Variants in PTPRK observed in about 807,000 individuals in gnomAD.
The protein encoded by PTPRK is receptor-type tyrosine-protein phosphatase kappa.
A neutral mutation model predicts 178.0 loss-of-function variants in PTPRK; 75 were observed. The observed-to-expected ratio is 0.42, with a 90% CI of 0.35 to 0.51. The LOEUF (loss-of-function observed/expected upper bound fraction) is 0.51. Ranked by LOEUF, PTPRK falls within the 20% of genes least tolerant of loss-of-function variation. The pLI is 0.02. For synonymous variants in PTPRK, 637 were observed against 620.6 expected, an observed-to-expected ratio of 1.03 and a Z score of -0.39; for missense variants, 1,441 against 1,797.8, an observed-to-expected ratio of 0.80 and a Z score of 3.59.
intron 3 of PTPRK, among the ~76,000 whole-genome samples, chr6:128,298,295 A>G (rs61435981): frequency 0.051 from 7,733 of 151,670 alleles, 653 homozygotes; most frequent in African/African-American, 0.17. Context: ...AATTCTACCA[A>G]AGGTACAAGG....
In PTPRK at chr6:128,359,296, G is replaced by A. The variant is rs184581893; in HGVS notation, c.224-36986C>T. Among the ~76,000 whole-genome samples the A allele has an allele frequency of 1.4e-4, 20 of 147,830 alleles. No homozygotes were observed. In the South Asian group the frequency reaches 1.7e-3, roughly 13 times the overall value. On this transcript the variant is annotated intron_variant, in intron 2 of 29. Coordinates refer to ENST00000368226, the MANE Select transcript of PTPRK (RefSeq NM_002844.4). The stretch of plus-strand genomic sequence containing the variant: ...AAAAACCCCATCTGGGATTACAGGC[G>A]TGAGCCACCACATCTAGCCAAGGCA...
At chr6:128,011,828 C>T (rs773340034) in intron 13 of PTPRK, among the ~76,000 whole-genome samples, 6 of 151,012 alleles carry the variant, frequency 4.0e-5, no homozygotes, top group African/African-American at 7.3e-5. Flanking sequence ...GAAACTAAAA[C>T]GCTTGCAGGT....
chr6:128,294,979 T>C (rs1291619698), intron 3 of PTPRK, among the ~76,000 whole-genome samples: 2 of 152,016 alleles, frequency 1.3e-5, no homozygotes. Context: ...AGAATTACAG[T>C]ATGAAACAGA....
At chr6:128,125,885 G>A (rs571820705) in intron 7 of PTPRK, among the ~76,000 whole-genome samples, 2 of 151,934 alleles carry the variant, frequency 1.3e-5, no homozygotes, top group East Asian at 1.9e-4. Context: ...TGGGATTACA[G>A]GCCTGAGCCA....
chr6:128,477,781 CT>C (rs963989854), intron 1 of PTPRK, among the ~76,000 whole-genome samples: 3 of 152,136 alleles, frequency 2.0e-5, no homozygotes, highest in Admixed American at 6.6e-5. Context: ...TAAACACTGA[CT>C]TTTTTTATTA....
intron 7 of PTPRK, among the ~76,000 whole-genome samples, chr6:128,166,320 A>T (rs1391815801): frequency 1.3e-5 from 2 of 151,686 alleles, no homozygotes; most frequent in African/African-American, 4.8e-5. Flanking sequence ...TCCCCTTAAA[A>T]ATGTTTATTC....
At chr6:128,255,927 T>G (rs1283106696) in intron 3 of PTPRK, among the ~76,000 whole-genome samples, 1 of 152,206 alleles carries the variant, frequency 6.6e-6, no homozygotes, top group Non-Finnish European at 1.5e-5. Flanking sequence ...AAAAAAACTG[T>G]AAGTAGATTC....
At chr6:128,217,367 A>G (rs1809523219) in intron 6 of PTPRK, among the ~76,000 whole-genome samples, 2 of 152,160 alleles carry the variant, frequency 1.3e-5, no homozygotes, top group Non-Finnish European at 1.5e-5. Context: ...AAAATGAGTG[A>G]TAGAGTCTTC....
chr6:128,465,781 C>T (rs1388868253), intron 1 of PTPRK, among the ~76,000 whole-genome samples: 1 of 152,098 alleles, frequency 6.6e-6, no homozygotes, highest in Admixed American at 6.6e-5. Flanking sequence ...ACCTGGGGCC[C>T]TGTATCATAA....
intron 6 of PTPRK, among the ~76,000 whole-genome samples, chr6:128,192,278 A>G (rs899343419): frequency 7.9e-5 from 12 of 152,136 alleles, no homozygotes; most frequent in African/African-American, 2.9e-4. Flanking sequence ...ATCAGCAACC[A>G]CCAAAAGCAA....
At position 127,973,019 on chromosome 6, in the gene PTPRK, C is replaced by T. The variant is rs1351578829; in HGVS notation, c.4269+3G>A. On this transcript the variant is annotated splice_donor_region_variant and intron_variant, in intron 29 of 29. Coordinates refer to ENST00000368226, the MANE Select transcript of PTPRK (RefSeq NM_002844.4). The stretch of plus-strand genomic sequence containing the variant: ...CTTCCAAATCTAAGATTCTGTGACT[C>T]ACCGGGGCTTCCACCATGTTTGGCT... The T allele has an allele frequency of 1.2e-6, 2 of 1,613,722 alleles. No homozygotes were observed. The highest frequency in any genetic ancestry group is 1.7e-6 in the Non-Finnish European group (2 of 1,179,810).
At chr6:128,270,526 A>G (rs773590815) in intron 3 of PTPRK, among the ~76,000 whole-genome samples, 1 of 152,160 alleles carries the variant, frequency 6.6e-6, no homozygotes, top group Non-Finnish European at 1.5e-5. Flanking sequence ...ATTAGTACAC[A>G]TTGAATATAA....
chr6:128,460,087 A>G (rs1285420096), intron 1 of PTPRK, among the ~76,000 whole-genome samples: 3 of 152,174 alleles, frequency 2.0e-5, no homozygotes, highest in Non-Finnish European at 4.4e-5. Flanking sequence ...CCCATGATCC[A>G]ATCACTGCCC....
In PTPRK at chr6:128,520,239, GA is replaced by G. The variant is rs1404349138; in HGVS notation, c.100+19del. The G allele has an allele frequency of 1.9e-6, 3 of 1,564,526 alleles. No homozygotes were observed. Among genetic ancestry groups the G allele is most frequent in the Non-Finnish European group, 2.6e-6 (3 of 1,153,556 alleles). ...CCCAGGACTCCAGGCGTTCGTCGGGGACGCCCCCCGGCCACTCACCTGCGGA... is the reference window on the plus strand; with the variant it reads ...CCCAGGACTCCAGGCGTTCGTCGGGGCGCCCCCCGGCCACTCACCTGCGGA... On this transcript the variant is annotated intron_variant, in intron 1 of 29. Coordinates refer to ENST00000368226, the MANE Select transcript of PTPRK (RefSeq NM_002844.4).
chr6:128,300,952 T>C (rs1584013101), intron 3 of PTPRK, among the ~76,000 whole-genome samples: 1 of 151,904 alleles, frequency 6.6e-6, no homozygotes, highest in East Asian at 1.9e-4. Flanking sequence ...CTCTATCTTC[T>C]TTCCCATAAC....
At chr6:128,397,467 A>C (rs1584521943) in intron 2 of PTPRK, 99 bp downstream of exon 2, 2 of 1,437,808 alleles carry the variant, frequency 1.4e-6, no homozygotes, top group East Asian at 4.6e-5. Flanking sequence ...AATTTAGCTT[A>C]TTATAACCAT....
intron 7 of PTPRK, among the ~76,000 whole-genome samples, chr6:128,172,836 T>C (rs1329671828): frequency 1.3e-5 from 2 of 151,774 alleles, no homozygotes; most frequent in Non-Finnish European, 2.9e-5. Context: ...ATATATTCTC[T>C]CACACACACG....
chr6:128,496,073 C>T (rs1020518908), intron 1 of PTPRK, among the ~76,000 whole-genome samples: 1 of 152,176 alleles, frequency 6.6e-6, no homozygotes, highest in Admixed American at 6.5e-5. Context: ...ATATGTTTCA[C>T]ATCCATCTAC....
At chr6:128,056,641 G>A (rs532277628) in intron 13 of PTPRK, among the ~76,000 whole-genome samples, 2 of 151,974 alleles carry the variant, frequency 1.3e-5, no homozygotes, top group Non-Finnish European at 2.9e-5. Context: ...GGCCAGGCTG[G>A]TCTCGAAGTC....
Sources: gnomAD v4.1 joint callset for allele counts (sites outside exome capture counted in the v4.1 genomes callset) on GRCh38, gnomAD v4.1.1 for gene constraint, MANE v1.5 for transcripts, NCBI Gene and HGNC (gene_info 2026-07-23, HGNC 2026-07-21) for gene names.